Variants in KCNH5 observed in about 807,000 individuals in gnomAD.
The protein encoded by KCNH5 is voltage-gated delayed rectifier potassium channel KCNH5.
A neutral mutation model predicts 96.1 loss-of-function variants in KCNH5; 46 were observed. That is an observed-to-expected ratio of 0.48 (90% confidence interval 0.38 to 0.61). KCNH5 has a LOEUF of 0.61. Ranked by LOEUF, KCNH5 falls within the 20% of genes least tolerant of loss-of-function variation. The pLI, the probability that KCNH5 is intolerant of heterozygous loss-of-function variation, is 0.00. For missense variants in KCNH5, 907 were observed against 1,225.8 expected (o/e 0.74, Z 3.88); for synonymous variants, 439 against 449.8 (o/e 0.98, Z 0.30).
At chr14:62,983,066 CTATA>C (rs1475212945) in intron 5 of KCNH5, among the ~76,000 whole-genome samples, 2 of 152,130 alleles carry the variant, frequency 1.3e-5, no homozygotes, top group African/African-American at 4.8e-5. Context: ...AGTTTACCAT[CTATA>C]TATACACAGT....
At chr14:62,872,050 T>C (rs998719248) in intron 7 of KCNH5, among the ~76,000 whole-genome samples, 2 of 152,226 alleles carry the variant, frequency 1.3e-5, no homozygotes, top group Non-Finnish European at 2.9e-5. Context: ...AATTTTCTAA[T>C]CAGCAGTTAA....
intron 8 of KCNH5, among the ~76,000 whole-genome samples, chr14:62,844,763 G>T (rs112673771): frequency 3.9e-5 from 6 of 152,288 alleles, no homozygotes; most frequent in African/African-American, 1.4e-4. Context: ...CATCAGTACA[G>T]ATTTTAATGC....
At chr14:63,005,892 CAA>C (rs1216700724) in intron 3 of KCNH5, among the ~76,000 whole-genome samples, 17 of 152,298 alleles carry the variant, frequency 1.1e-4, no homozygotes, top group Non-Finnish European at 2.2e-4. Flanking sequence ...GGCTTTCTCA[CAA>C]AAGAGTCTGA....
intron 10 of KCNH5, among the ~76,000 whole-genome samples, chr14:62,779,483 T>C (rs949479352): frequency 1.3e-5 from 2 of 152,244 alleles, no homozygotes; most frequent in African/African-American, 4.8e-5. Context: ...AGCTTGTTTC[T>C]CTTCAAGTCT....
At chr14:62,909,148 C>T (rs1377567746) in intron 7 of KCNH5, among the ~76,000 whole-genome samples, 1 of 144,172 alleles carries the variant, frequency 6.9e-6, no homozygotes, top group African/African-American at 2.6e-5. Flanking sequence ...CGGGTTCACG[C>T]CATTCTCCTG....
chr14:62,741,247 T>C (rs188409717), intron 10 of KCNH5, among the ~76,000 whole-genome samples: 9 of 152,274 alleles, frequency 5.9e-5, no homozygotes, highest in Admixed American at 5.9e-4. Context: ...AAGACGATAC[T>C]ATATTTTCAG....
chr14:62,707,670 C>T lies in KCNH5; in HGVS notation c.2805G>A (p.Val935=), dbSNP rs753296498. ...CCGACAGTATTTTTAAAATTTCTGC[C>T]ACCTGCTTTTCTAGGGCAGTCATTC... ...SCRMTALEKQ[V]AEILKILSEK... is the part of the protein sequence containing the mutation. Residue 935 remains valine (V), a synonymous_variant, in exon 11 of 11, where the codon GTG becomes GTA. Transcript: ENST00000322893. 2 of 1,589,150 alleles carry T rather than the reference C, an allele frequency of 1.3e-6. No homozygotes were observed. The highest frequency in any genetic ancestry group is 1.7e-6 in the Non-Finnish European group (2 of 1,163,410).
chr14:63,004,278 C>G (rs1183109418), intron 3 of KCNH5, among the ~76,000 whole-genome samples: 2 of 152,062 alleles, frequency 1.3e-5, no homozygotes, highest in African/African-American at 2.4e-5. Context: ...TAGCAAAACT[C>G]CATTATAATA....
chr14:62,775,822 T>C (rs1030564768), intron 10 of KCNH5, among the ~76,000 whole-genome samples: 13 of 152,208 alleles, frequency 8.5e-5, no homozygotes, highest in Non-Finnish European at 1.8e-4. Context: ...AGTAAAGTAA[T>C]TGAAATACAA....
At chr14:62,769,247 C>T (rs1036944962) in intron 10 of KCNH5, among the ~76,000 whole-genome samples, 5 of 152,234 alleles carry the variant, frequency 3.3e-5, no homozygotes, top group African/African-American at 1.2e-4. Context: ...TGAGTAGCAT[C>T]ACTTTGGAAG....
chr14:63,019,245 G>T (rs1159387926), intron 1 of KCNH5, among the ~76,000 whole-genome samples: 2 of 152,088 alleles, frequency 1.3e-5, no homozygotes, highest in East Asian at 1.9e-4. Context: ...TTGGTCTTTT[G>T]TTCCACATCA....
chr14:62,922,457 AGT>A (rs1423511278), intron 7 of KCNH5, among the ~76,000 whole-genome samples: 9 of 152,074 alleles, frequency 5.9e-5, no homozygotes, highest in Admixed American at 5.9e-4. Context: ...AGTTAAGCAA[AGT>A]GTAATAGAAT....
chr14:62,947,258 G>A (rs563611311), intron 7 of KCNH5, among the ~76,000 whole-genome samples: 1 of 152,256 alleles, frequency 6.6e-6, no homozygotes, highest in African/African-American at 2.4e-5. Context: ...AAGTAGTATG[G>A]TGCTAAATAC....
intron 9 of KCNH5, among the ~76,000 whole-genome samples, chr14:62,789,296 T>C (rs748590869): frequency 5.3e-5 from 8 of 152,048 alleles, no homozygotes; most frequent in Non-Finnish European, 8.8e-5. Context: ...TTCCATTGCA[T>C]ATACATACTA....
chr14:62,756,943 C>T (rs1885636356), intron 10 of KCNH5, among the ~76,000 whole-genome samples: 1 of 151,916 alleles, frequency 6.6e-6, no homozygotes, highest in Admixed American at 6.6e-5. Context: ...CAAAACTGGA[C>T]AAATAGATCA....
intron 10 of KCNH5, among the ~76,000 whole-genome samples, chr14:62,724,333 G>A (rs1884878017): frequency 6.6e-6 from 1 of 152,118 alleles, no homozygotes; most frequent in Admixed American, 6.5e-5. Context: ...TTTAAATAGT[G>A]ATTAAAAGAT....
chr14:62,920,601 T>G (rs1413772875), intron 7 of KCNH5, among the ~76,000 whole-genome samples: 1 of 152,056 alleles, frequency 6.6e-6, no homozygotes, highest in Non-Finnish European at 1.5e-5. Flanking sequence ...TAAAAATCAC[T>G]AGATTCAGTG....
chr14:62,710,957 A>G (rs1294379398), intron 10 of KCNH5, among the ~76,000 whole-genome samples: 2 of 152,218 alleles, frequency 1.3e-5, no homozygotes, highest in Non-Finnish European at 2.9e-5. Flanking sequence ...TATATAATAG[A>G]CAAGGACATT....
intron 10 of KCNH5, among the ~76,000 whole-genome samples, chr14:62,721,649 T>A (rs1310076670): frequency 6.6e-6 from 1 of 152,108 alleles, no homozygotes; most frequent in African/African-American, 2.4e-5. Flanking sequence ...GGATTTTAAT[T>A]TTATTTTTAT....
Sources: gnomAD v4.1 joint callset for allele counts (sites outside exome capture counted in the v4.1 genomes callset) on GRCh38, gnomAD v4.1.1 for gene constraint, MANE v1.5 for transcripts, NCBI Gene and HGNC (gene_info 2026-07-23, HGNC 2026-07-21) for gene names.